The following PCDH17 variants were observed in gnomAD, a reference collection of about 807,000 sequenced individuals.
PCDH17 encodes protocadherin 17, also known as protocadherin-17.
In PCDH17, 21 loss-of-function variants were observed where a neutral mutation model predicts 67.7. The ratio of observed to expected loss-of-function variants is 0.31; its 90% CI spans 0.22 to 0.45. The LOEUF (loss-of-function observed/expected upper bound fraction) is 0.45. PCDH17 is among the 20% of genes least tolerant of loss of function. PCDH17 has a pLI of 1.00. For missense variants in PCDH17, 1,471 were observed against 1,564.8 expected, an observed-to-expected ratio of 0.94 and a Z score of 1.01; for synonymous variants, 701 against 656.7, an observed-to-expected ratio of 1.07 and a Z score of -1.03.
intron 3 of PCDH17, among the ~76,000 whole-genome samples, chr13:57,691,187 GTTA>G (rs756723265): frequency 6.6e-6 from 1 of 151,208 alleles, no homozygotes; most frequent in African/African-American, 2.4e-5. Context: ...CTAAAATTCT[GTTA>G]TTAAGTGAAA....
At position 57,632,774 on chromosome 13, in the gene PCDH17, C is replaced by A; in HGVS notation, c.228C>A (p.Asp76Glu). 6.2e-7 allele frequency: 1 copy of A among 1,613,092 alleles called. No individual in the cohort carries two copies. ...AGAACTCCGCACCGCACCTGCTGGA[C>A]GTGGACGCAGACAGCGGGCTCCTCT... ...VLENSAPHLL[D>E]VDADSGLLYT... Residue 76 changes from aspartate to glutamate, a missense_variant, in exon 1 of 4, where the codon GAC becomes GAA. Coordinates refer to ENST00000377918, the MANE Select transcript of PCDH17 (RefSeq NM_001040429.3).
At chr13:57,703,271 T>C (rs983541167) in intron 3 of PCDH17, among the ~76,000 whole-genome samples, 1 of 152,164 alleles carries the variant, frequency 6.6e-6, no homozygotes, top group South Asian at 2.1e-4. Context: ...CTGCTTGGCA[T>C]TCAAAAAATT....
chr13:57,693,522 G>A (rs73207458), intron 3 of PCDH17, among the ~76,000 whole-genome samples: 7,594 of 149,238 alleles, frequency 0.051, 262 homozygotes, highest in Middle Eastern at 0.099. Context: ...GAAATGATGC[G>A]TAAAGTCAAA....
intron 1 of PCDH17, among the ~76,000 whole-genome samples, chr13:57,636,448 G>A (rs777876395): frequency 1.3e-5 from 2 of 152,060 alleles, no homozygotes; most frequent in Non-Finnish European, 1.5e-5. Flanking sequence ...AACATAATAA[G>A]TATACCAAAT....
chr13:57,637,430 G>T (rs1006140567), intron 1 of PCDH17, among the ~76,000 whole-genome samples: 1 of 151,586 alleles, frequency 6.6e-6, no homozygotes, highest in Non-Finnish European at 1.5e-5. Flanking sequence ...TTAACTACAG[G>T]GACAGTCTTT....
rs774440820 is a variant in PCDH17 at position 57,632,665 on chromosome 13, G to A, written c.119G>A (p.Arg40Lys). The A allele has an allele frequency of 4.3e-6, 7 of 1,612,034 alleles. No homozygotes were observed. The South Asian group carries it at 5.5e-5, about 13-fold the overall frequency. ...GAGTVIGNIG[R>K]DARLQPGLPP... Reference sequence around the variant, plus strand: ...GGCACGGTGATCGGGAACATCGGCAGGGATGCTCGACTGCAGCCTGGGCTT... The same window carrying A: ...GGCACGGTGATCGGGAACATCGGCAAGGATGCTCGACTGCAGCCTGGGCTT... Residue 40 changes from arginine (R) to lysine (K), a missense_variant, in exon 1 of 4, where the codon AGG becomes AAG. By Grantham distance (26) the Arg-to-Lys change is conservative. This residue lies in a region of PCDH17 where 1,163 missense variants were observed against 1,230.0 expected (regional missense o/e 0.95). Transcript: ENST00000377918.
At chr13:57,711,058 A>T (rs939800150) in intron 3 of PCDH17, among the ~76,000 whole-genome samples, 1 of 152,020 alleles carries the variant, frequency 6.6e-6, no homozygotes, top group Non-Finnish European at 1.5e-5. Context: ...TTTCACATTG[A>T]TTAAATTTTA....
At chr13:57,678,238 G>A (rs184636502) in intron 3 of PCDH17, among the ~76,000 whole-genome samples, 3 of 151,372 alleles carry the variant, frequency 2.0e-5, no homozygotes, top group African/African-American at 4.8e-5. Context: ...GTCAGAGATC[G>A]GAGACAGAAG....
At chr13:57,673,437 C>T (rs1955349379) in intron 3 of PCDH17, among the ~76,000 whole-genome samples, 2 of 151,970 alleles carry the variant, frequency 1.3e-5, no homozygotes. Flanking sequence ...AGTGCTGAAA[C>T]ATTTGTCACA....
intron 1 of PCDH17, among the ~76,000 whole-genome samples, chr13:57,636,033 A>G (rs1270795377): frequency 6.6e-6 from 1 of 152,212 alleles, no homozygotes; most frequent in African/African-American, 2.4e-5. Context: ...TCTAAGTGAT[A>G]TTTAATATAT....
chr13:57,699,770 G>A (rs1164347207), intron 3 of PCDH17, among the ~76,000 whole-genome samples: 3 of 151,488 alleles, frequency 2.0e-5, no homozygotes, highest in Admixed American at 6.6e-5. Context: ...CATGTACATC[G>A]AAGGAATCTT....
At chr13:57,651,211 T>A (rs1203463230) in intron 1 of PCDH17, among the ~76,000 whole-genome samples, 1 of 152,188 alleles carries the variant, frequency 6.6e-6, no homozygotes, top group Non-Finnish European at 1.5e-5. Context: ...CTTAAAATTG[T>A]ATAAATTTCA....
intron 3 of PCDH17, among the ~76,000 whole-genome samples, chr13:57,721,671 TTCCCTCCTTC>T (rs1215127406): frequency 5.9e-5 from 9 of 152,042 alleles, no homozygotes; most frequent in African/African-American, 1.4e-4. Flanking sequence ...TGTGGCAGCT[TTCCCTCCTTC>T]TCCCTCCACA....
chr13:57,648,307 A>G (rs1954991396), intron 1 of PCDH17, among the ~76,000 whole-genome samples: 1 of 151,978 alleles, frequency 6.6e-6, no homozygotes. Flanking sequence ...TAGAATCAAC[A>G]TGTTGGAAAA....
intron 3 of PCDH17, among the ~76,000 whole-genome samples, chr13:57,712,918 T>C (rs998000663): frequency 6.6e-6 from 1 of 151,686 alleles, no homozygotes; most frequent in Non-Finnish European, 1.5e-5. Context: ...TGATTATCAA[T>C]GGAATCGCAG....
Position 57,674,278 on chromosome 13 carries a change from C to T in PCDH17, c.2797+7445C>T, listed in dbSNP as rs555313921. Among the ~76,000 whole-genome samples, 14 of 151,904 alleles carry T rather than the reference C, an allele frequency of 9.2e-5. No homozygotes were observed. In the East Asian group the frequency reaches 2.3e-3, roughly 25 times the overall value. ...TCTCAACATATCAACATAAAAAAGTCCTTTTTTTAGTTTTATTATAATGAC... is the reference window on the plus strand; with the variant it reads ...TCTCAACATATCAACATAAAAAAGTTCTTTTTTTAGTTTTATTATAATGAC... On this transcript the variant is annotated intron_variant, in intron 3 of 3. Transcript: ENST00000377918.
intron 1 of PCDH17, among the ~76,000 whole-genome samples, chr13:57,651,101 T>C (rs561738623): frequency 1.3e-5 from 2 of 152,186 alleles, no homozygotes; most frequent in Non-Finnish European, 2.9e-5. Context: ...TATATCTCTT[T>C]CTACTTCTTC....
At chr13:57,704,610 G>T (rs1955700988) in intron 3 of PCDH17, among the ~76,000 whole-genome samples, 1 of 150,474 alleles carries the variant, frequency 6.6e-6, no homozygotes, top group African/African-American at 2.4e-5. Flanking sequence ...AACCTAAGAT[G>T]TGGGCACAGT....
intron 3 of PCDH17, among the ~76,000 whole-genome samples, chr13:57,709,330 C>A (rs1162141627): frequency 6.6e-6 from 1 of 151,686 alleles, no homozygotes; most frequent in African/African-American, 2.4e-5. Context: ...TTGTTCACAT[C>A]TTCTATCCAC....
Sources: allele counts gnomAD v4.1 joint callset (sites outside exome capture counted in the v4.1 genomes callset), GRCh38; gene constraint gnomAD v4.1.1; regional missense constraint gnomAD v4.1.1; transcripts MANE v1.5; gene names NCBI Gene and HGNC (gene_info 2026-07-23, HGNC 2026-07-21).